CD99: variants seen among roughly 807,000 people sequenced by gnomAD.
The protein encoded by CD99 is CD99 antigen.
Under a neutral mutation model 28.4 loss-of-function variants are expected in CD99, and 19 were observed. The ratio of observed to expected loss-of-function variants is 0.67; its 90% CI spans 0.47 to 0.98. CD99 has a LOEUF of 0.98. Ranked by LOEUF, CD99 falls within the 50% of genes least tolerant of loss-of-function variation. The pLI, the probability that CD99 is intolerant of heterozygous loss-of-function variation, is 0.00. For synonymous variants in CD99, 103 were observed against 92.1 expected (o/e 1.12, Z -0.67); for missense variants, 283 against 248.8 (o/e 1.14, Z -0.92).
intron 1 of CD99, among the ~76,000 whole-genome samples, chrX:2,710,740 A>G (rs930167844): frequency 1.3e-5 from 2 of 152,134 alleles, no homozygotes; most frequent in African/African-American, 4.8e-5. Context: ...AGGCACTAAC[A>G]AAGGTAAGCC....
chrX:2,703,605 A>AGTGT (rs556444956), intron 1 of CD99, among the ~76,000 whole-genome samples: 8,582 of 138,398 alleles, frequency 0.062, 320 homozygotes, highest in South Asian at 0.1. Context: ...CGAGCTGTTA[A>AGTGT]GTGTGTGTGT....
In CD99 at chrX:2,726,584, G is replaced by T. The variant is rs1201881507; in HGVS notation, c.475+211G>T. 3 of 672,452 alleles carry T rather than the reference G, an allele frequency of 4.5e-6. No individual in the cohort carries two copies. The African/African-American group carries it at 5.3e-5, about 12-fold the overall frequency. The allele number at this position is 672,452 out of a possible 1,614,324, so 41.7% of individuals were successfully genotyped here. ...TGTTTTGTTGTGTGAAAGTTTACAA[G>T]TTCCCCACTGCTGCAGTGCTTGGGT... On this transcript the variant is annotated intron_variant, in intron 8 of 9. Transcript: ENST00000381192.
intron 9 of CD99, among the ~76,000 whole-genome samples, chrX:2,740,404 G>T (rs2050144288): frequency 6.6e-6 from 1 of 152,104 alleles, no homozygotes; most frequent in South Asian, 2.1e-4. Flanking sequence ...AAACTTAAAT[G>T]AATGGACCAG....
chrX:2,717,882 C>A, intron 3 of CD99: 1 of 557,000 alleles, frequency 1.8e-6, no homozygotes, highest in Non-Finnish European at 3.2e-6. Context: ...TGGACAACAT[C>A]TCTGTGTGCT....
At chrX:2,737,780 G>A in intron 8 of CD99, 1 of 342,468 alleles carries the variant, frequency 2.9e-6, no homozygotes, top group Non-Finnish European at 5.7e-6. Context: ...ACAGGCGTGA[G>A]TCACCACGCC....
chrX:2,733,596 A>G (rs1367996813), intron 8 of CD99: 4 of 545,012 alleles, frequency 7.3e-6, no homozygotes, highest in Non-Finnish European at 1.0e-5. Context: ...AGCAAATCAT[A>G]TTTCTGCATA....
chrX:2,728,206 T>C (rs6642001), intron 8 of CD99, among the ~76,000 whole-genome samples: 12,982 of 143,076 alleles, frequency 0.091, 1,292 homozygotes, highest in South Asian at 0.44. Context: ...GTTTCTTTTT[T>C]TTTTTTTTTT....
intron 8 of CD99, 161 bp from the exon 9 acceptor site, chrX:2,738,039 A>G: frequency 1.3e-6 from 1 of 756,104 alleles, no homozygotes; most frequent in East Asian, 2.5e-5. Flanking sequence ...CATGAGTGTT[A>G]GACTCCATGT....
chrX:2,738,464 G>C (rs1408889338), intron 9 of CD99, among the ~76,000 whole-genome samples: 2 of 152,170 alleles, frequency 1.3e-5, no homozygotes, highest in African/African-American at 4.8e-5. Context: ...CTTCAGAGAA[G>C]ACCTATATGT....
At chrX:2,724,739 T>C (rs2049182687) in intron 7 of CD99, among the ~76,000 whole-genome samples, 1 of 151,876 alleles carries the variant, frequency 6.6e-6, no homozygotes, top group African/African-American at 2.4e-5. Flanking sequence ...ACCCCATCTC[T>C]ACAAAAAATA....
chrX:2,711,236 T>A (rs1281998638), intron 1 of CD99, among the ~76,000 whole-genome samples: 2 of 147,824 alleles, frequency 1.4e-5, no homozygotes, highest in Non-Finnish European at 3.0e-5. Flanking sequence ...ATATATATAA[T>A]ATATATATGT....
intron 1 of CD99, among the ~76,000 whole-genome samples, chrX:2,713,622 G>C (rs1180395186): frequency 6.6e-6 from 1 of 152,184 alleles, no homozygotes; most frequent in Non-Finnish European, 1.5e-5. Context: ...TGCACCTGTT[G>C]TGGAACTGGA....
At chrX:2,728,321 G>A (rs746957185) in intron 8 of CD99, among the ~76,000 whole-genome samples, 6 of 147,308 alleles carry the variant, frequency 4.1e-5, no homozygotes, top group East Asian at 4.1e-4. Flanking sequence ...TCAGCCTCCC[G>A]AGTAGCTGGG....
At chrX:2,695,936 G>T (rs1322103090) in intron 1 of CD99, among the ~76,000 whole-genome samples, 1 of 152,094 alleles carries the variant, frequency 6.6e-6, no homozygotes. Context: ...AAAAATCATT[G>T]TAAAAATCAA....
chrX:2,723,234 C>G, intron 6 of CD99, 80 bp from the exon 7 acceptor site: 1 of 1,433,538 alleles, frequency 7.0e-7, no homozygotes, highest in South Asian at 1.1e-5. Flanking sequence ...AAGCAGGACC[C>G]CAGCCTCTTC....
chrX:2,706,760 G>A (rs2048136361), intron 1 of CD99, among the ~76,000 whole-genome samples: 2 of 152,046 alleles, frequency 1.3e-5, no homozygotes, highest in South Asian at 4.1e-4. Flanking sequence ...TAATGATTGT[G>A]TTATTCTTAT....
rs371181717 is a variant in CD99 at position 2,691,457 on chromosome X, G to A, written c.67+30G>A. On this transcript the variant is annotated intron_variant, in intron 1 of 9. Transcript: ENST00000381192. ...GCGAGCGGAGGGATCCGGGTTGGGG[G>A]ACGCGGAGGGCGCGGGCCGGGACTG... is the stretch of plus-strand genomic sequence containing the variant. The A allele has an allele frequency of 3.8e-5, 59 of 1,569,306 alleles. No individual in the cohort carries two copies. In the African/African-American group the frequency reaches 4.9e-4, roughly 13 times the overall value.
rs764124160 is a variant in CD99 at position 2,707,616 on chromosome X, C to T, written c.68-6806C>T. Among the ~76,000 whole-genome samples the T allele has an allele frequency of 3.3e-5, 5 of 152,296 alleles. No homozygotes were observed. In the East Asian group the frequency reaches 9.7e-4, roughly 29 times the overall value. On this transcript the variant is annotated intron_variant, in intron 1 of 9. Transcript: ENST00000381192. The stretch of plus-strand genomic sequence containing the variant: ...GTCCGTTCCGCCTTGCCCTGATGAG[C>T]CATTACCCTGTCCCGGAAACATCTG...
chrX:2,739,803 C>T (rs1223682800), intron 9 of CD99, among the ~76,000 whole-genome samples: 2 of 148,802 alleles, frequency 1.3e-5, no homozygotes. Flanking sequence ...TCGCCAGACG[C>T]GGTGGCTAAT....
Sources: allele counts gnomAD v4.1 joint callset (sites outside exome capture counted in the v4.1 genomes callset), GRCh38; gene constraint gnomAD v4.1.1; transcripts MANE v1.5; gene names NCBI Gene and HGNC (gene_info 2026-07-23, HGNC 2026-07-21).